Variants in B3GALT1 observed in about 807,000 individuals in gnomAD.
B3GALT1 encodes UDP-Gal:betaGlcNAc beta 1,3-galactosyltransferase, polypeptide 1.
B3GALT1 carries 10 observed loss-of-function variants against 23.2 expected under a neutral mutation model. The observed-to-expected ratio is 0.43, with a 90% confidence interval of 0.27 to 0.73. B3GALT1 has a LOEUF of 0.73. Among genes scored for constraint, B3GALT1 ranks in the 30% least tolerant of loss-of-function variants. B3GALT1 has a pLI of 0.21. For synonymous variants in B3GALT1, 156 were observed against 141.5 expected, an observed-to-expected ratio of 1.10 and a Z score of -0.73; for missense variants, 299 against 405.4, an observed-to-expected ratio of 0.74 and a Z score of 2.25.
Position 167,870,033 on chromosome 2 carries a change from T to A in B3GALT1, c.*13T>A. 5 of 1,565,804 alleles carry A rather than the reference T, an allele frequency of 3.2e-6. No individual in the cohort carries two copies. Among genetic ancestry groups the A allele is most frequent in the Non-Finnish European group, 3.5e-6 (4 of 1,154,388 alleles). The stretch of plus-strand genomic sequence containing the variant: ...TCTCAGATGTTAGGATTTTTACCAA[T>A]GTAAATATGTTTCTTTTCTTTTTTT... On this transcript the variant is annotated 3_prime_UTR_variant, in exon 5 of 5. Transcript: ENST00000392690.
intron 1 of B3GALT1, among the ~76,000 whole-genome samples, chr2:167,418,754 C>G (rs2140499): frequency 6.6e-6 from 1 of 151,392 alleles, no homozygotes; most frequent in Non-Finnish European, 1.5e-5. Context: ...CCAGGCTGGT[C>G]TCGAACTCCT....
chr2:167,414,410 C>A, intron 1 of B3GALT1, among the ~76,000 whole-genome samples: 1 of 152,068 alleles, frequency 6.6e-6, no homozygotes, highest in Non-Finnish European at 1.5e-5. Context: ...GTGCAAGAAA[C>A]CAATTAGGTT....
At chr2:167,340,088 GC>G (rs1425548675) in intron 1 of B3GALT1, among the ~76,000 whole-genome samples, 1 of 152,124 alleles carries the variant, frequency 6.6e-6, no homozygotes, top group Admixed American at 6.6e-5. Flanking sequence ...TGCATTTCTT[GC>G]ATGTATGCAC....
At chr2:167,805,388 A>G (rs1259202395) in intron 3 of B3GALT1, among the ~76,000 whole-genome samples, 1 of 152,210 alleles carries the variant, frequency 6.6e-6, no homozygotes, top group African/African-American at 2.4e-5. Context: ...TGTTTTAGAC[A>G]TGAAGTCCTT....
At chr2:167,444,773 C>G (rs981281113) in intron 1 of B3GALT1, among the ~76,000 whole-genome samples, 1 of 152,040 alleles carries the variant, frequency 6.6e-6, no homozygotes, top group South Asian at 2.1e-4. Flanking sequence ...CTTCATTAGT[C>G]TTGCTAGCGG....
intron 3 of B3GALT1, among the ~76,000 whole-genome samples, chr2:167,689,128 C>T (rs1358771501): frequency 9.3e-6 from 1 of 107,410 alleles, no homozygotes; most frequent in East Asian, 2.6e-4. Flanking sequence ...CAAACCTCGC[C>T]CCCAAAAAGA....
At chr2:167,373,653 T>C (rs1306787518) in intron 1 of B3GALT1, among the ~76,000 whole-genome samples, 1 of 152,176 alleles carries the variant, frequency 6.6e-6, no homozygotes, top group Non-Finnish European at 1.5e-5. Flanking sequence ...TATTAGCATT[T>C]AGATATTGAC....
chr2:167,425,445 TA>T (rs1302523782), intron 1 of B3GALT1, among the ~76,000 whole-genome samples: 1 of 152,218 alleles, frequency 6.6e-6, no homozygotes. Flanking sequence ...CACCTATTTT[TA>T]AAAAGCATTT....
At chr2:167,553,814 C>T (rs74388491) in intron 2 of B3GALT1, among the ~76,000 whole-genome samples, 7 of 152,160 alleles carry the variant, frequency 4.6e-5, no homozygotes, top group Admixed American at 2.0e-4. Flanking sequence ...TTCCTAAACA[C>T]TTAAGCTGAT....
At chr2:167,776,897 TA>T (rs1688170755) in intron 3 of B3GALT1, among the ~76,000 whole-genome samples, 1 of 152,220 alleles carries the variant, frequency 6.6e-6, no homozygotes, top group South Asian at 2.1e-4. Flanking sequence ...ACCTTACTTT[TA>T]AAGTCTTATT....
chr2:167,504,381 T>A (rs1470486278), intron 2 of B3GALT1, among the ~76,000 whole-genome samples: 1 of 152,146 alleles, frequency 6.6e-6, no homozygotes, highest in Non-Finnish European at 1.5e-5. Context: ...ATGTCACCCA[T>A]GAAAACAAAC....
chr2:167,760,264 C>T (rs1363565550), intron 3 of B3GALT1, among the ~76,000 whole-genome samples: 4 of 152,122 alleles, frequency 2.6e-5, no homozygotes, highest in Admixed American at 2.6e-4. Context: ...AGTAAAAGGT[C>T]CCCTGAAATT....
At chr2:167,547,471 C>T (rs551760633) in intron 2 of B3GALT1, among the ~76,000 whole-genome samples, 4 of 152,086 alleles carry the variant, frequency 2.6e-5, no homozygotes, top group East Asian at 1.9e-4. Context: ...TCAAGGAGAG[C>T]GGATCACGAG....
chr2:167,731,112 T>A (rs1687402799), intron 3 of B3GALT1, among the ~76,000 whole-genome samples: 1 of 152,172 alleles, frequency 6.6e-6, no homozygotes, highest in Admixed American at 6.5e-5. Flanking sequence ...CATAAGGATT[T>A]AGAGTTCTGG....
At chr2:167,436,208 A>G (rs906005011) in intron 1 of B3GALT1, among the ~76,000 whole-genome samples, 16 of 152,088 alleles carry the variant, frequency 1.1e-4, no homozygotes, top group African/African-American at 3.6e-4. Context: ...GACAAGTACA[A>G]TCTGGCTCTT....
intron 1 of B3GALT1, among the ~76,000 whole-genome samples, chr2:167,470,786 A>T (rs1699410411): frequency 2.0e-5 from 3 of 152,230 alleles, no homozygotes; most frequent in Non-Finnish European, 4.4e-5. Flanking sequence ...CCAGTTTCTG[A>T]GAGCTGATTT....
At chr2:167,713,587 G>C in intron 3 of B3GALT1, 1 of 868,046 alleles carries the variant, frequency 1.2e-6, no homozygotes, top group Non-Finnish European at 1.8e-6. Context: ...AATCACTTAA[G>C]TAACAGCAGT....
At chr2:167,339,201 A>C (rs1469898951) in intron 1 of B3GALT1, among the ~76,000 whole-genome samples, 1 of 152,206 alleles carries the variant, frequency 6.6e-6, no homozygotes, top group Non-Finnish European at 1.5e-5. Context: ...AACGGAAAGC[A>C]TGCAAATGCT....
chr2:167,541,340 A>G (rs892431101), intron 2 of B3GALT1, among the ~76,000 whole-genome samples: 3 of 152,136 alleles, frequency 2.0e-5, no homozygotes, highest in African/African-American at 7.2e-5. Context: ...AATTTATTTT[A>G]CAATGTACAT....
Sources: gnomAD v4.1 joint callset for allele counts (sites outside exome capture counted in the v4.1 genomes callset) on GRCh38, gnomAD v4.1.1 for gene constraint, MANE v1.5 for transcripts, NCBI Gene and HGNC (gene_info 2026-07-23, HGNC 2026-07-21) for gene names.